Variants in TP73 observed in about 807,000 individuals in gnomAD.
The protein encoded by TP73 is tumor protein p73.
Under a neutral mutation model 62.5 loss-of-function variants are expected in TP73, and 25 were observed. The ratio of observed to expected loss-of-function variants is 0.40; its 90% CI spans 0.29 to 0.56. TP73 has a LOEUF of 0.56. TP73 is among the 20% of genes least tolerant of loss of function. The pLI, the probability that TP73 is intolerant of heterozygous loss-of-function variation, is 0.46. For missense variants in TP73, 754 were observed against 913.3 expected (o/e 0.83, Z 2.25); for synonymous variants, 423 against 377.5 (o/e 1.12, Z -1.40).
intron 1 of TP73, among the ~76,000 whole-genome samples, chr1:3,655,209 A>C (rs747313794): frequency 1.3e-5 from 2 of 152,176 alleles, no homozygotes; most frequent in Non-Finnish European, 2.9e-5. Context: ...CAAAATGGTG[A>C]AATCTTGTCC....
intron 6 of TP73, among the ~76,000 whole-genome samples, chr1:3,723,820 T>C (rs1245910518): frequency 6.6e-6 from 1 of 152,146 alleles, no homozygotes; most frequent in Non-Finnish European, 1.5e-5. Context: ...ATTTGGGAGA[T>C]GGGGAGGTCC....
intron 1 of TP73, among the ~76,000 whole-genome samples, chr1:3,659,749 TC>T (rs1398837782): frequency 6.6e-6 from 1 of 152,184 alleles, no homozygotes. Flanking sequence ...TGGCATCATC[TC>T]GACTCACTGC....
At chr1:3,708,330 T>G (rs1639848548) in intron 4 of TP73, 1 of 168,218 alleles carries the variant, frequency 5.9e-6, no homozygotes, top group African/African-American at 2.4e-5. Flanking sequence ...TGCCAAGGGC[T>G]CAGGTCCTCA....
intron 4 of TP73, among the ~76,000 whole-genome samples, chr1:3,712,876 G>A (rs922548197): frequency 2.0e-5 from 3 of 152,094 alleles, no homozygotes; most frequent in African/African-American, 4.8e-5. Flanking sequence ...CTTGCAGCCC[G>A]TGTGGTGCCC....
At chr1:3,653,875 T>A (rs981608598) in intron 1 of TP73, among the ~76,000 whole-genome samples, 2 of 152,194 alleles carry the variant, frequency 1.3e-5, no homozygotes, top group Non-Finnish European at 2.9e-5. Flanking sequence ...GTTTTTAAAA[T>A]AAGATAAAAA....
chr1:3,695,798 AG>A (rs958226961), intron 3 of TP73, among the ~76,000 whole-genome samples: 9 of 152,188 alleles, frequency 5.9e-5, no homozygotes, highest in African/African-American at 1.4e-4. Context: ...GATAGACCAC[AG>A]GGGGGCAGGG....
chr1:3,695,652 C>T (rs1220154234), intron 3 of TP73, among the ~76,000 whole-genome samples: 1 of 152,254 alleles, frequency 6.6e-6, no homozygotes. Flanking sequence ...GCCTCCAGGA[C>T]AGGGCCCTGG....
intron 1 of TP73, among the ~76,000 whole-genome samples, chr1:3,679,230 C>T (rs896803592): frequency 6.6e-6 from 1 of 152,170 alleles, no homozygotes; most frequent in African/African-American, 2.4e-5. Flanking sequence ...CACAGGATGC[C>T]GACTTGAAAA....
At chr1:3,732,574 C>T (rs1029998092) in intron 13 of TP73, among the ~76,000 whole-genome samples, 173 bp from the exon 14 acceptor site, 6 of 152,188 alleles carry the variant, frequency 3.9e-5, no homozygotes, top group South Asian at 2.1e-4. Flanking sequence ...GCCCAGGCCC[C>T]GCACAGGCCA....
intron 3 of TP73, chr1:3,690,530 A>G (rs943601643): frequency 1.5e-5 from 13 of 879,272 alleles, no homozygotes; most frequent in Non-Finnish European, 1.8e-5. Context: ...TTAATTATGG[A>G]GCCGGCGCTG....
At chr1:3,690,594 C>G in intron 3 of TP73, 1 of 1,258,170 alleles carries the variant, frequency 7.9e-7, no homozygotes, top group South Asian at 1.8e-5. Flanking sequence ...CAACACATCA[C>G]CGGGCAAGCT....
At chr1:3,702,955 T>C (rs931361408) in intron 3 of TP73, among the ~76,000 whole-genome samples, 2 of 152,132 alleles carry the variant, frequency 1.3e-5, no homozygotes, top group Non-Finnish European at 2.9e-5. Context: ...TTCAGCAGCT[T>C]GACCCCGAGC....
At position 3,733,076 on chromosome 1, in the gene TP73, C is replaced by T. The variant is rs2124555974; in HGVS notation, c.1908C>T (p.His636=). 4 of 1,531,046 alleles carry T rather than the reference C, an allele frequency of 2.6e-6. No individual in the cohort carries two copies. The highest frequency in any genetic ancestry group is 3.5e-6 in the Non-Finnish European group (4 of 1,142,328). The allele number at this position is 1,531,046 out of a possible 1,614,324, so 94.8% of individuals were successfully genotyped here. Residue 636 remains histidine (H), a synonymous_variant, in exon 14 of 14, where the codon CAC becomes CAT. Transcript: ENST00000378295. ...AGGAGTTCACGGAGGCCGAGATCCA[C>T]TGAGGGCCTCGCCTGGCTGCAGCCT... The part of the protein sequence containing the change: ...IKEEFTEAEI[H]
rs2102043936 is a variant in TP73 at position 3,670,514 on chromosome 1, A to G, written c.-33-11819A>G. On this transcript the variant is annotated intron_variant, in intron 1 of 13. Transcript: ENST00000378295. This position sits in a 1 kb window ranked among gnomAD's most constrained non-coding sequence, Gnocchi z 5.9. ...CCCTGTCTCTACTAAAAATACAAAA[A>G]TTAGCTGGGCGTGGTGGCGCACACA... is the stretch of plus-strand genomic sequence containing the variant. Among the ~76,000 whole-genome samples the G allele has an allele frequency of 6.6e-6, 1 of 152,040 alleles. No individual in the cohort carries two copies. Among genetic ancestry groups the G allele is most frequent in the South Asian group, 2.1e-4 (1 of 4,796 alleles).
intron 3 of TP73, among the ~76,000 whole-genome samples, chr1:3,700,981 G>A (rs554283119): frequency 1.2e-4 from 19 of 152,268 alleles, no homozygotes; most frequent in South Asian, 8.3e-4. Context: ...GGCTGTCCCC[G>A]CCCTCCACAT....
rs187375774 is a variant in TP73, at chr1:3,710,727, A to G, written c.429+2936A>G. On this transcript the variant is annotated intron_variant, in intron 4 of 13. Transcript: ENST00000378295. Reference sequence around the variant, plus strand: ...TTCACAGGTCTGTGCATATGTGTGCATACACACGCATGTGCACACACACAG... The same window carrying G: ...TTCACAGGTCTGTGCATATGTGTGCGTACACACGCATGTGCACACACACAG... Among the ~76,000 whole-genome samples the G allele has an allele frequency of 3.9e-5, 6 of 152,188 alleles. No homozygotes were observed. The East Asian group carries it at 9.6e-4, about 24-fold the overall frequency.
chr1:3,733,700 C>G lies in TP73; in HGVS notation c.*621C>G, dbSNP rs1281754894. ...AGGACCGCCTCCTTCCTGCCCCTAA[C>G]AACAACCACAGTGTTGCTGAAATTG... On this transcript the variant is annotated 3_prime_UTR_variant, in exon 14 of 14. Coordinates refer to ENST00000378295, the MANE Select transcript of TP73 (RefSeq NM_005427.4). 1 of 153,754 alleles carries G rather than the reference C, an allele frequency of 6.5e-6. No individual in the cohort carries two copies. Among genetic ancestry groups the G allele is most frequent in the Admixed American group, 6.5e-5 (1 of 15,320 alleles). 9.5% of individuals were successfully genotyped at this position (153,754 alleles called of 1,614,324 possible).
intron 4 of TP73, among the ~76,000 whole-genome samples, chr1:3,721,597 A>G (rs1641076097): frequency 6.6e-6 from 1 of 152,234 alleles, no homozygotes; most frequent in African/African-American, 2.4e-5. Flanking sequence ...AACAGATTCA[A>G]TGCTGCAAAC....
chr1:3,673,532 G>A (rs1645292019), intron 1 of TP73, among the ~76,000 whole-genome samples: 1 of 152,218 alleles, frequency 6.6e-6, no homozygotes, highest in Non-Finnish European at 1.5e-5. Flanking sequence ...CCATTTTACA[G>A]ACAAGGAAAC....
Sources: allele counts gnomAD v4.1 joint callset (sites outside exome capture counted in the v4.1 genomes callset), GRCh38; gene constraint gnomAD v4.1.1; non-coding constraint Gnocchi (gnomAD v3.1); transcripts MANE v1.5; gene names NCBI Gene and HGNC (gene_info 2026-07-23, HGNC 2026-07-21).